The following CROCC2 variants were observed in gnomAD, a reference collection of about 807,000 sequenced individuals.
CROCC2 encodes the protein ciliary rootlet coiled-coil, rootletin family member 2, also known as ciliary rootlet coiled-coil protein 2.
In CROCC2, 163 loss-of-function variants were observed where a neutral mutation model predicts 177.6. The observed-to-expected ratio is 0.92, with a 90% CI of 0.81 to 1.05. The LOEUF (loss-of-function observed/expected upper bound fraction) is 1.05. Among genes scored for constraint, CROCC2 ranks in the 50% least tolerant of loss-of-function variants. The pLI is 0.00. For missense variants in CROCC2, 1,929 were observed against 1,797.8 expected, an observed-to-expected ratio of 1.07 and a Z score of -1.32; for synonymous variants, 904 against 787.3, an observed-to-expected ratio of 1.15 and a Z score of -2.48.
chr2:240,958,402 C>A lies in CROCC2; in HGVS notation c.2944-899C>A. On this transcript the variant is annotated intron_variant, in intron 19 of 31. Transcript: ENST00000690015. This position sits in a 1 kb window ranked among gnomAD's most constrained non-coding sequence, Gnocchi z 6.7. ...GGTTGTAAAGAATGACGACAGGAGG[C>A]AGCAGCATGGCTCCTTTCCCAAGAG... The A allele has an allele frequency of 4.0e-6, 1 of 249,740 alleles. No individual in the cohort carries two copies. The highest frequency in any genetic ancestry group is 2.3e-5 in the African/African-American group (1 of 43,274). 15.5% of individuals were successfully genotyped at this position (249,740 alleles called of 1,614,324 possible). A position where few individuals can be genotyped will look rare whatever the true frequency, so the allele number is the denominator to read the frequency against.
intron 26 of CROCC2, among the ~76,000 whole-genome samples, chr2:240,967,784 G>A (rs2059693036): frequency 6.6e-6 from 1 of 152,000 alleles, no homozygotes; most frequent in East Asian, 1.9e-4. Flanking sequence ...CTTTGCCCTG[G>A]CTGTGCCCTC....
intron 14 of CROCC2, among the ~76,000 whole-genome samples, chr2:240,938,737 C>A (rs1038532209): frequency 6.6e-6 from 1 of 151,810 alleles, no homozygotes; most frequent in Admixed American, 6.5e-5. Context: ...CTTTCTTTCT[C>A]TCAGCCATGT....
intron 2 of CROCC2, among the ~76,000 whole-genome samples, chr2:240,919,612 C>T (rs1044274482): frequency 1.8e-4 from 27 of 152,146 alleles, no homozygotes; most frequent in African/African-American, 3.6e-4. Context: ...CCTTATTACT[C>T]GGGGACCAGG....
Position 240,941,323 on chromosome 2 carries a change from GA to G in CROCC2, c.2170-4730del, listed in dbSNP as rs532155043. On this transcript the variant is annotated intron_variant, in intron 14 of 31. Transcript: ENST00000690015. Reference sequence around the variant, plus strand: ...ATCATCACCATTCTTCACAGAACTAGAAAAAAATCCTAAATTTCATATGGAA... The same window carrying G: ...ATCATCACCATTCTTCACAGAACTAGAAAAAATCCTAAATTTCATATGGAA... Among the ~76,000 whole-genome samples, 4 of 152,148 alleles carry G rather than the reference GA, an allele frequency of 2.6e-5. No individual in the cohort carries two copies. The East Asian group carries it at 7.7e-4, about 29-fold the overall frequency.
intron 20 of CROCC2, among the ~76,000 whole-genome samples, chr2:240,962,850 T>C (rs2059652619): frequency 6.6e-6 from 1 of 152,080 alleles, no homozygotes; most frequent in African/African-American, 2.4e-5. Context: ...GGGAGGGCCT[T>C]CCTGCCAGGC....
At position 240,933,712 on chromosome 2, in the gene CROCC2, G is replaced by A. The variant is rs1343690937; in HGVS notation, c.1506G>A (p.Gly502=). The A allele has an allele frequency of 6.5e-7, 1 of 1,550,264 alleles. No homozygotes were observed. Among genetic ancestry groups the A allele is most frequent in the Non-Finnish European group, 8.7e-7 (1 of 1,146,870 alleles). The change falls in exon 11 of 32, where the codon GGG becomes GGA. Residue 502 remains glycine (G), a synonymous_variant. Coordinates refer to ENST00000690015, the MANE Select transcript of CROCC2 (RefSeq NM_001351305.2). ...AGATGGTGGTGGAGGAGCTGAAAGG[G>A]AAGGCAGATGCTGCAGATGCGGAGA... The part of the protein sequence containing the change: ...ALEMVVEELK[G]KADAADAEKQ...
chr2:240,912,169 C>T (rs2059292616), intron 1 of CROCC2, among the ~76,000 whole-genome samples: 1 of 152,198 alleles, frequency 6.6e-6, no homozygotes, highest in Non-Finnish European at 1.5e-5. Context: ...ACTGTTGTTA[C>T]TCATACCACT....
intron 14 of CROCC2, among the ~76,000 whole-genome samples, chr2:240,937,517 A>G (rs779279929): frequency 4.6e-5 from 7 of 152,282 alleles, no homozygotes; most frequent in Non-Finnish European, 8.8e-5. Flanking sequence ...ATAAAATTTT[A>G]ACTTTGGCAA....
At chr2:240,926,098 G>A (rs537292285) in intron 5 of CROCC2, among the ~76,000 whole-genome samples, 29 of 152,188 alleles carry the variant, frequency 1.9e-4, no homozygotes, top group Non-Finnish European at 2.9e-4. Context: ...CCCCCCACCC[G>A]GAGAAGGAGG....
chr2:240,950,468 G>A lies in CROCC2; in HGVS notation c.2787G>A (p.Glu929=). ...GGGAAATTCAGAGCCTGAAGCAGGA[G>A]CGGGACGAGAGCCTTCTCCAACTGG... The part of the protein sequence containing the change: ...LKGEIQSLKQ[E]RDESLLQLEH... Residue 929 remains glutamate, a synonymous_variant, in exon 18 of 32, where the codon GAG becomes GAA. Coordinates refer to ENST00000690015, the MANE Select transcript of CROCC2 (RefSeq NM_001351305.2). 6.5e-7 allele frequency: 1 copy of A among 1,550,276 alleles called. No homozygotes were observed. The highest frequency in any genetic ancestry group is 8.7e-7 in the Non-Finnish European group (1 of 1,146,828).
chr2:240,916,511 C>G (rs1323262110), intron 1 of CROCC2, among the ~76,000 whole-genome samples: 1 of 126,326 alleles, frequency 7.9e-6, no homozygotes, highest in Non-Finnish European at 1.7e-5. Context: ...CCCCGCTCCC[C>G]CCGTGTCCCC....
At chr2:240,941,071 T>A (rs1274824823) in intron 14 of CROCC2, among the ~76,000 whole-genome samples, 1 of 152,008 alleles carries the variant, frequency 6.6e-6, no homozygotes, top group African/African-American at 2.4e-5. Flanking sequence ...AAATCAAGAA[T>A]TCAACCCCTT....
At chr2:240,928,096 T>G (rs565595995) in intron 5 of CROCC2, among the ~76,000 whole-genome samples, 1 of 152,392 alleles carries the variant, frequency 6.6e-6, no homozygotes, top group African/African-American at 2.4e-5. Context: ...CATGGTCCTT[T>G]GTTTCCTTGT....
In CROCC2 at chr2:240,973,151, G is replaced by C. The variant is rs2059734036; in HGVS notation, c.4401+4889G>C. 6.6e-6 allele frequency among the ~76,000 whole-genome samples: 1 copy of C among 152,228 alleles called. No individual in the cohort carries two copies. The highest frequency in any genetic ancestry group is 1.5e-5 in the Non-Finnish European group (1 of 68,044). ...TTTCCCCTGTTTCACATAAGCCGAT[G>C]TGTTTGTCAAGAGAAAGTTAATTAA... On this transcript the variant is annotated intron_variant, in intron 27 of 31. Coordinates refer to ENST00000690015, the MANE Select transcript of CROCC2 (RefSeq NM_001351305.2). The surrounding 1 kb of genome is among the most constrained non-coding windows in gnomAD (Gnocchi z 4.7).
intron 14 of CROCC2, among the ~76,000 whole-genome samples, chr2:240,942,384 A>G (rs548884049): frequency 6.6e-6 from 1 of 152,324 alleles, no homozygotes; most frequent in Admixed American, 6.5e-5. Flanking sequence ...CATATTAATT[A>G]CAATACTTTT....
rs965789727 is a variant in CROCC2 at position 240,957,925 on chromosome 2, T to A, written c.2944-1376T>A. On this transcript the variant is annotated intron_variant, in intron 19 of 31. Coordinates refer to ENST00000690015, the MANE Select transcript of CROCC2 (RefSeq NM_001351305.2). ...GGGCAGGGACCCAGGAAAGCCCTCCTGGGGCCCTGGGAGCTGATGCCTCTG... is the reference window on the plus strand; with the variant it reads ...GGGCAGGGACCCAGGAAAGCCCTCCAGGGGCCCTGGGAGCTGATGCCTCTG... The A allele has an allele frequency of 8.2e-6, 8 of 973,156 alleles. 1 individual carries two copies. Among genetic ancestry groups the A allele is most frequent in the Admixed American group, 1.2e-4 (2 of 16,270 alleles). 60.3% of individuals were successfully genotyped at this position (973,156 alleles called of 1,614,324 possible). A position where few individuals can be genotyped will look rare whatever the true frequency, so the allele number is the denominator to read the frequency against.
Position 240,935,415 on chromosome 2 carries a change from G to T in CROCC2, c.1996G>T (p.Ala666Ser). 1.5e-6 allele frequency: 2 copies of T among 1,379,204 alleles called. No homozygotes were observed. Among genetic ancestry groups the T allele is most frequent in the Non-Finnish European group, 1.9e-6 (2 of 1,061,052 alleles). 85.4% of individuals were successfully genotyped at this position (1,379,204 alleles called of 1,614,324 possible). A position where few individuals can be genotyped will look rare whatever the true frequency, so the allele number is the denominator to read the frequency against. ...EQRKTLEQER[A>S]RAGEQLAQAE... ...GCGGAAGACTCTGGAGCAGGAACGG[G>T]CCCGGGCCGGGGAGCAGCTGGCACA... The change falls in exon 14 of 32, where the codon GCC (alanine) becomes TCC (serine). Residue 666 changes from alanine (A) to serine (S), a missense_variant. This residue lies in a region of CROCC2 where 1,397 missense variants were observed against 1,239.9 expected (regional missense o/e 1.13). Coordinates refer to ENST00000690015, the MANE Select transcript of CROCC2 (RefSeq NM_001351305.2).
At chr2:240,967,505 C>A in intron 26 of CROCC2, 40 bp downstream of exon 26, 1 of 1,504,016 alleles carries the variant, frequency 6.6e-7, no homozygotes. Context: ...CTGGGAGTGG[C>A]TGTGAGAGTG....
chr2:240,954,467 T>C (rs776114326), intron 18 of CROCC2: 2 of 152,198 alleles, frequency 1.3e-5, no homozygotes, highest in African/African-American at 4.8e-5. Context: ...AGATTCATTA[T>C]CAAACATGGA....
Sources: allele counts gnomAD v4.1 joint callset (sites outside exome capture counted in the v4.1 genomes callset), GRCh38; gene constraint gnomAD v4.1.1; regional missense constraint gnomAD v4.1.1; non-coding constraint Gnocchi (gnomAD v3.1); transcripts MANE v1.5; gene names NCBI Gene and HGNC (gene_info 2026-07-23, HGNC 2026-07-21).